EXOC4: variants seen among roughly 807,000 people sequenced by gnomAD.
EXOC4 encodes exocyst complex component 4, also known as SEC8-like 1.
Under a neutral mutation model 107.2 loss-of-function variants are expected in EXOC4, and 71 were observed. The observed-to-expected ratio is 0.66, with a 90% confidence interval of 0.55 to 0.81. The LOEUF (loss-of-function observed/expected upper bound fraction) is 0.81, where lower values mean the gene tolerates loss of function less well. Ranked by LOEUF, EXOC4 falls within the 30% of genes least tolerant of loss-of-function variation. The pLI, the probability that EXOC4 is intolerant of heterozygous loss-of-function variation, is 0.00. For missense variants in EXOC4, 1,108 were observed against 1,189.6 expected (o/e 0.93, Z 1.01); for synonymous variants, 456 against 441.2 (o/e 1.03, Z -0.42).
intron 4 of EXOC4, among the ~76,000 whole-genome samples, chr7:133,316,962 T>A (rs181888272): frequency 2.6e-4 from 39 of 152,352 alleles, no homozygotes; most frequent in African/African-American, 8.9e-4. Context: ...TGAAATTGCC[T>A]GGCATAGTGT....
At chr7:133,885,117 C>T (rs1317823393) in intron 11 of EXOC4, among the ~76,000 whole-genome samples, 1 of 151,978 alleles carries the variant, frequency 6.6e-6, no homozygotes, top group East Asian at 1.9e-4. Flanking sequence ...AGATCGAGAC[C>T]AGCCTGACTA....
intron 7 of EXOC4, among the ~76,000 whole-genome samples, chr7:133,451,613 C>G (rs918417298): frequency 2.6e-5 from 4 of 151,916 alleles, no homozygotes; most frequent in African/African-American, 7.3e-5. Flanking sequence ...GTATATTTTC[C>G]TCTCTCATCC....
rs145001123 is a variant in EXOC4 at position 133,910,265 on chromosome 7, A to G, written c.1872-7318A>G. Among the ~76,000 whole-genome samples the G allele has an allele frequency of 1.9e-3, 295 of 152,318 alleles. 1 individual carries two copies. The highest frequency in any genetic ancestry group is 6.7e-3 in the African/African-American group (278 of 41,582). ...ATTCTTGGTCCACTTCCTGTGTTAC[A>G]GTATAATTTTTTTCTTCTTGATCTT... On this transcript the variant is annotated intron_variant, in intron 12 of 17. Coordinates refer to ENST00000253861, the MANE Select transcript of EXOC4 (RefSeq NM_021807.4).
chr7:133,488,505 T>C (rs1028583056), intron 9 of EXOC4, among the ~76,000 whole-genome samples: 2 of 152,116 alleles, frequency 1.3e-5, no homozygotes, highest in African/African-American at 2.4e-5. Flanking sequence ...GGAAATATTA[T>C]ATGAGGGAGA....
intron 10 of EXOC4, among the ~76,000 whole-genome samples, chr7:133,787,948 CATATATTTATATATTTATATAT>C (rs1329193227): frequency 3.6e-4 from 8 of 22,200 alleles, no homozygotes; most frequent in African/African-American, 7.0e-4. Context: ...CTTCCCTGTG[CATATATTTATATATTTATATAT>C]ATATATATAT....
chr7:133,524,027 C>T lies in EXOC4; in HGVS notation c.1417+43889C>T, dbSNP rs937540640. On this transcript the variant is annotated intron_variant, in intron 9 of 17. Coordinates refer to ENST00000253861, the MANE Select transcript of EXOC4 (RefSeq NM_021807.4). ...CCCTGAGGAATCGCCACACCGACTT[C>T]CACAATGGTTGAACTAGTTTACAGT... Among the ~76,000 whole-genome samples, 38 of 148,726 alleles carry T rather than the reference C, an allele frequency of 2.6e-4. 1 individual carries two copies. The South Asian group carries it at 5.7e-3, about 22-fold the overall frequency.
intron 10 of EXOC4, among the ~76,000 whole-genome samples, chr7:133,755,251 T>C (rs1795880080): frequency 9.9e-6 from 1 of 100,516 alleles, no homozygotes; most frequent in African/African-American, 4.5e-5. Context: ...ATAATATATA[T>C]ATTATATATA....
chr7:134,039,585 C>T (rs1443800024), intron 17 of EXOC4, among the ~76,000 whole-genome samples: 1 of 152,190 alleles, frequency 6.6e-6, no homozygotes, highest in Non-Finnish European at 1.5e-5. Context: ...CCACTGCCCT[C>T]CATCATAGTC....
At chr7:133,338,817 G>A (rs370953697) in intron 5 of EXOC4, among the ~76,000 whole-genome samples, 12 of 141,560 alleles carry the variant, frequency 8.5e-5, no homozygotes, top group Admixed American at 5.9e-4. Flanking sequence ...GCAATGGGGC[G>A]ATCTCAGCTC....
Position 133,967,078 on chromosome 7 carries a change from A to G in EXOC4, c.2206+29009A>G, listed in dbSNP as rs187055012. On this transcript the variant is annotated intron_variant, in intron 14 of 17. Transcript: ENST00000253861. ...GGAGGGTGTATGTGTCCAGGAATTT[A>G]TTCATTTCTTCTGGATTTTCTAGTT... Among the ~76,000 whole-genome samples, 298 of 152,094 alleles carry G rather than the reference A, an allele frequency of 2.0e-3. No individual in the cohort carries two copies. In the Middle Eastern group the frequency reaches 0.031, roughly 16 times the overall value.
chr7:133,576,557 G>A (rs1056797273), intron 9 of EXOC4: 3 of 1,289,678 alleles, frequency 2.3e-6, no homozygotes, highest in Non-Finnish European at 1.0e-6. Flanking sequence ...AATGAGCAAA[G>A]GAGAGGATCC....
At chr7:133,756,336 G>T (rs1291768651) in intron 10 of EXOC4, among the ~76,000 whole-genome samples, 10 of 152,076 alleles carry the variant, frequency 6.6e-5, no homozygotes, top group Admixed American at 6.5e-4. Context: ...TTTTAATTTT[G>T]ATAATGTTAC....
chr7:133,345,822 A>G (rs988791796), intron 5 of EXOC4, among the ~76,000 whole-genome samples: 3 of 152,216 alleles, frequency 2.0e-5, no homozygotes, highest in Non-Finnish European at 4.4e-5. Context: ...GCAGTTGGCA[A>G]CAACTTTTGG....
intron 10 of EXOC4, among the ~76,000 whole-genome samples, chr7:133,670,291 T>G (rs775381687): frequency 6.6e-6 from 1 of 152,248 alleles, no homozygotes; most frequent in African/African-American, 2.4e-5. Flanking sequence ...TGAACTTGTT[T>G]CCTCACTTGT....
At chr7:133,318,607 GA>G (rs113445252) in intron 5 of EXOC4, among the ~76,000 whole-genome samples, 229 of 152,136 alleles carry the variant, frequency 1.5e-3, no homozygotes, top group African/African-American at 5.0e-3. Flanking sequence ...TGAAAAGGTA[GA>G]AAAAAATAGA....
intron 5 of EXOC4, among the ~76,000 whole-genome samples, chr7:133,349,631 T>G (rs1795863477): frequency 6.6e-6 from 1 of 152,150 alleles, no homozygotes; most frequent in African/African-American, 2.4e-5. Flanking sequence ...GAGTGTACTC[T>G]TCAAGACCCT....
At chr7:133,885,692 A>G (rs1225697401) in intron 11 of EXOC4, among the ~76,000 whole-genome samples, 1 of 152,122 alleles carries the variant, frequency 6.6e-6, no homozygotes, top group Admixed American at 6.5e-5. Flanking sequence ...TTCAAAGATG[A>G]GAGTCATGAG....
chr7:134,054,037 C>T (rs1461743594), intron 17 of EXOC4, among the ~76,000 whole-genome samples: 2 of 152,076 alleles, frequency 1.3e-5, no homozygotes, highest in Non-Finnish European at 2.9e-5. Context: ...CCTCCACCTC[C>T]CAGGTTCAAG....
intron 14 of EXOC4, among the ~76,000 whole-genome samples, chr7:133,988,507 A>G (rs1480786141): frequency 4.6e-5 from 7 of 152,200 alleles, no homozygotes. Context: ...GGGAAAATAT[A>G]TATAATACAT....
Sources: gnomAD v4.1 joint callset for allele counts (sites outside exome capture counted in the v4.1 genomes callset) on GRCh38, gnomAD v4.1.1 for gene constraint, MANE v1.5 for transcripts, NCBI Gene and HGNC (gene_info 2026-07-23, HGNC 2026-07-21) for gene names.